GPRC5A: variants seen among roughly 807,000 people sequenced by gnomAD.
GPRC5A encodes the protein retinoic acid-induced protein 3.
A neutral mutation model predicts 22.5 loss-of-function variants in GPRC5A; 19 were observed. That is an observed-to-expected ratio of 0.85 (90% confidence interval 0.59 to 1.24). The LOEUF (loss-of-function observed/expected upper bound fraction) is 1.24, where lower values mean the gene tolerates loss of function less well. Ranked by LOEUF, GPRC5A falls within the 50% of genes most tolerant of loss-of-function variation. The pLI is 0.00. For synonymous variants in GPRC5A, 192 were observed against 184.5 expected, an observed-to-expected ratio of 1.04 and a Z score of -0.33; for missense variants, 471 against 451.1, an observed-to-expected ratio of 1.04 and a Z score of -0.40.
intron 2 of GPRC5A, 52 bp from the exon 3 acceptor site, chr12:12,912,032 G>T: frequency 9.1e-7 from 1 of 1,095,002 alleles, no homozygotes; most frequent in South Asian, 1.3e-5. Flanking sequence ...ACAATGGGGT[G>T]AACATAGGTG....
chr12:12,901,430 C>G (rs1488168463), intron 1 of GPRC5A, among the ~76,000 whole-genome samples: 1 of 152,068 alleles, frequency 6.6e-6, no homozygotes, highest in Non-Finnish European at 1.5e-5. Context: ...AGGGTAGCAG[C>G]CTGGGGGCTT....
At chr12:12,893,384 A>G (rs1295642545) in intron 1 of GPRC5A, among the ~76,000 whole-genome samples, 4 of 152,260 alleles carry the variant, frequency 2.6e-5, no homozygotes, top group Admixed American at 1.3e-4. Flanking sequence ...TTCTGGGTCC[A>G]CTACTATTTA....
intron 1 of GPRC5A, among the ~76,000 whole-genome samples, chr12:12,903,023 C>T (rs1298896487): frequency 6.6e-6 from 1 of 152,004 alleles, no homozygotes; most frequent in African/African-American, 2.4e-5. Context: ...GCCGATATCG[C>T]GCCATTGCAC....
At chr12:12,897,301 G>T (rs1010927257) in intron 1 of GPRC5A, among the ~76,000 whole-genome samples, 49 of 151,492 alleles carry the variant, frequency 3.2e-4, no homozygotes, top group Middle Eastern at 3.4e-3. Flanking sequence ...CATGATAGAG[G>T]TTAAATCTTG....
chr12:12,912,390 C>T (rs1864014271), intron 3 of GPRC5A, 57 bp from the exon 4 acceptor site: 2 of 1,121,720 alleles, frequency 1.8e-6, no homozygotes, highest in African/African-American at 1.5e-5. Context: ...AGACTGGAGA[C>T]CTGTTGAAAT....
chr12:12,905,101 T>C (rs1863927883), intron 1 of GPRC5A, among the ~76,000 whole-genome samples: 1 of 152,166 alleles, frequency 6.6e-6, no homozygotes, highest in Non-Finnish European at 1.5e-5. Context: ...GCCAGGCTGG[T>C]CTCAAACTCC....
intron 1 of GPRC5A, among the ~76,000 whole-genome samples, chr12:12,897,823 G>A (rs3782575): frequency 0.38 from 58,181 of 151,690 alleles, 13,692 homozygotes; most frequent in Non-Finnish European, 0.51. Flanking sequence ...TGGCCAGGCT[G>A]GTCTCTTAAC....
rs756930356 is a variant in GPRC5A at position 12,914,828 on chromosome 12, C to T, written c.*2289C>T. The T allele has an allele frequency of 6.6e-6, 1 of 151,716 alleles. No individual in the cohort carries two copies. Among genetic ancestry groups the T allele is most frequent in the African/African-American group, 2.4e-5 (1 of 41,242 alleles). The allele number at this position is 151,716 out of a possible 1,614,324, so 9.4% of individuals were successfully genotyped here. On this transcript the variant is annotated 3_prime_UTR_variant, in exon 4 of 4. Coordinates refer to ENST00000014914, the MANE Select transcript of GPRC5A (RefSeq NM_003979.4). ...ACAGACGAGGTTTCACCATGTTGAC[C>T]AGGCTGGTCTTGAACTCCTGATCTT... is the stretch of plus-strand genomic sequence containing the variant.
rs1196073489 is a variant in GPRC5A, at chr12:12,915,010, G to A, written c.*2471G>A. On this transcript the variant is annotated 3_prime_UTR_variant, in exon 4 of 4. Transcript: ENST00000014914. Reference sequence around the variant, plus strand: ...AAAGGTAAAATCACAAAATACTCTGGATCGGCATTTTTTTTTTTTTTTTTT... The same window carrying A: ...AAAGGTAAAATCACAAAATACTCTGAATCGGCATTTTTTTTTTTTTTTTTT... The A allele has an allele frequency of 6.9e-6, 1 of 145,384 alleles. No individual in the cohort carries two copies. Among genetic ancestry groups the A allele is most frequent in the East Asian group, 2.1e-4 (1 of 4,702 alleles). The allele number at this position is 145,384 out of a possible 1,614,324, so 9.0% of individuals were successfully genotyped here.
chr12:12,895,359 A>G (rs1240855561), intron 1 of GPRC5A, among the ~76,000 whole-genome samples: 1 of 143,486 alleles, frequency 7.0e-6, no homozygotes, highest in Admixed American at 7.2e-5. Flanking sequence ...TCTTCTAGGT[A>G]TGATATAGTT....
chr12:12,912,161 C>T lies in GPRC5A; in HGVS notation c.981+19C>T. The T allele has an allele frequency of 6.4e-7, 1 of 1,569,288 alleles. No homozygotes were observed. Among genetic ancestry groups the T allele is most frequent in the Non-Finnish European group, 8.8e-7 (1 of 1,139,330 alleles). On this transcript the variant is annotated intron_variant, in intron 3 of 3. Transcript: ENST00000014914. ...GCTGCAGGTAAGTGATTTTTTTCTC[C>T]CTCTTCATCAAAGGCATTAGCACCT...
At chr12:12,912,269 C>T in intron 3 of GPRC5A, 127 bp downstream of exon 3, 1 of 886,542 alleles carries the variant, frequency 1.1e-6, no homozygotes, top group South Asian at 1.4e-5. Flanking sequence ...GATGGGTCTT[C>T]TTTCCTCTAA....
Position 12,900,384 on chromosome 12 carries a change from G to A in GPRC5A, c.-7-7859G>A, listed in dbSNP as rs567971936. 1.9e-4 allele frequency among the ~76,000 whole-genome samples: 29 copies of A among 152,304 alleles called. No individual in the cohort carries two copies. The South Asian group carries it at 3.7e-3, about 20-fold the overall frequency. Reference sequence around the variant, plus strand: ...AGTTCAGACCACGTAGTTCAGCAGCGTGTCCTGCATTTTATAGATGAGAGG... The same window carrying A: ...AGTTCAGACCACGTAGTTCAGCAGCATGTCCTGCATTTTATAGATGAGAGG... On this transcript the variant is annotated intron_variant, in intron 1 of 3. Coordinates refer to ENST00000014914, the MANE Select transcript of GPRC5A (RefSeq NM_003979.4).
chr12:12,912,126 C>A lies in GPRC5A; in HGVS notation c.965C>A (p.Thr322Lys). 13 of 1,611,710 alleles carry A rather than the reference C, an allele frequency of 8.1e-6. No homozygotes were observed. Among genetic ancestry groups the A allele is most frequent in the Non-Finnish European group, 1.0e-5 (12 of 1,177,718 alleles). ...GACACGCTCTATGCCCCCTATTCCACACATTTTCAGCTGCAGGTAAGTGAT... is the reference window on the plus strand; with the variant it reads ...GACACGCTCTATGCCCCCTATTCCAAACATTTTCAGCTGCAGGTAAGTGAT... ...TGDTLYAPYSTHFQLQNQPPQ... is the reference protein window; with the variant it reads ...TGDTLYAPYSKHFQLQNQPPQ... The change falls in exon 3 of 4, where the codon ACA (threonine) becomes AAA (lysine). Residue 322 changes from threonine to lysine, a missense_variant. Thr to Lys is a moderately conservative substitution (Grantham distance 78). Coordinates refer to ENST00000014914, the MANE Select transcript of GPRC5A (RefSeq NM_003979.4).
intron 2 of GPRC5A, among the ~76,000 whole-genome samples, chr12:12,911,329 A>C (rs1864001442): frequency 6.6e-6 from 1 of 152,176 alleles, no homozygotes; most frequent in Non-Finnish European, 1.5e-5. Context: ...CACAGAAAAC[A>C]GTTGCTCATC....
In GPRC5A at chr12:12,908,509, T is replaced by A. The variant is rs1375259479; in HGVS notation, c.260T>A (p.Ile87Asn). The change falls in exon 2 of 4, where the codon ATC becomes AAC. Residue 87 changes from isoleucine to asparagine, a missense_variant. Physicochemically the swap from Ile to Asn is moderately radical, Grantham distance 149. Coordinates refer to ENST00000014914, the MANE Select transcript of GPRC5A (RefSeq NM_003979.4). ...GIFGLTFAFI[I>N]GLDGSTGPTR... ...TTTGGCCTCACCTTCGCCTTCATCA[T>A]CGGACTGGACGGGAGCACAGGGCCC... The A allele has an allele frequency of 6.2e-7, 1 of 1,614,180 alleles. No homozygotes were observed. Among genetic ancestry groups the A allele is most frequent in the Non-Finnish European group, 8.5e-7 (1 of 1,180,040 alleles).
rs1061047 is a variant in GPRC5A at position 12,913,286 on chromosome 12, T to A, written c.*747T>A. 6.6e-6 allele frequency: 1 copy of A among 152,654 alleles called. No homozygotes were observed. Among genetic ancestry groups the A allele is most frequent in the African/African-American group, 2.4e-5 (1 of 41,370 alleles). 9.5% of individuals were successfully genotyped at this position (152,654 alleles called of 1,614,324 possible). On this transcript the variant is annotated 3_prime_UTR_variant, in exon 4 of 4. Coordinates refer to ENST00000014914, the MANE Select transcript of GPRC5A (RefSeq NM_003979.4). The stretch of plus-strand genomic sequence containing the variant: ...CTCATCTCTCTAGTGCTGCCTCACA[T>A]TGGGCCTCAGCAGCTCCCCAGCACC...
chr12:12,899,022 A>G (rs917722989), intron 1 of GPRC5A, among the ~76,000 whole-genome samples: 1 of 151,856 alleles, frequency 6.6e-6, no homozygotes, highest in African/African-American at 2.4e-5. Context: ...ACAATTTTAT[A>G]TTTATTTATT....
At position 12,916,002 on chromosome 12, in the gene GPRC5A, T is replaced by G. The variant is rs1864060976; in HGVS notation, c.*3463T>G. ...AGGTCTCACACCTTCTGCACATAAA[T>G]AAGCTATTTTTAAAAGTTATTATTT... On this transcript the variant is annotated 3_prime_UTR_variant, in exon 4 of 4. Coordinates refer to ENST00000014914, the MANE Select transcript of GPRC5A (RefSeq NM_003979.4). 1 of 346,282 alleles carries G rather than the reference T, an allele frequency of 2.9e-6. No homozygotes were observed. Among genetic ancestry groups the G allele is most frequent in the Non-Finnish European group, 6.2e-6 (1 of 161,154 alleles). The allele number at this position is 346,282 out of a possible 1,614,324, so 21.5% of individuals were successfully genotyped here. A position where few individuals can be genotyped will look rare whatever the true frequency, so the allele number is the denominator to read the frequency against.
Sources: allele counts gnomAD v4.1 joint callset (sites outside exome capture counted in the v4.1 genomes callset), GRCh38; gene constraint gnomAD v4.1.1; transcripts MANE v1.5; gene names NCBI Gene and HGNC (gene_info 2026-07-23, HGNC 2026-07-21).